The following LY75 variants were observed in gnomAD, a reference collection of about 807,000 sequenced individuals.
The protein encoded by LY75 is C-type lectin domain family 13 member B.
In LY75, 185 loss-of-function variants were observed where a neutral mutation model predicts 231.7. That is an observed-to-expected ratio of 0.80 (90% CI 0.71 to 0.90). The LOEUF is 0.90. Among genes scored for constraint, LY75 ranks in the 40% least tolerant of loss-of-function variants. The pLI, the probability that LY75 is intolerant of heterozygous loss-of-function variation, is 0.00. For missense variants in LY75, 1,947 were observed against 2,050.2 expected (o/e 0.95, Z 0.97); for synonymous variants, 668 against 689.0 (o/e 0.97, Z 0.48).
At chr2:159,841,038 C>G in intron 24 of LY75, 83 bp from the exon 25 acceptor site, 1 of 1,545,696 alleles carries the variant, frequency 6.5e-7, no homozygotes, top group Non-Finnish European at 8.7e-7. Flanking sequence ...ACATTTCTCC[C>G]CATACTAATC....
intron 24 of LY75, among the ~76,000 whole-genome samples, chr2:159,841,815 G>A (rs1684038789): frequency 6.6e-6 from 1 of 151,740 alleles, no homozygotes; most frequent in Non-Finnish European, 1.5e-5. Context: ...AAATGCCAGA[G>A]TAGAAAAAAG....
chr2:159,871,127 C>T (rs989746248), intron 13 of LY75, among the ~76,000 whole-genome samples: 17 of 151,968 alleles, frequency 1.1e-4, no homozygotes, highest in Admixed American at 1.1e-3. Context: ...TTGAGCTATT[C>T]TTCTATTCAA....
chr2:159,875,444 C>T lies in LY75; in HGVS notation c.1974G>A (p.Lys658=). Reference sequence around the variant, plus strand: ...GGATAGAATGAGAATGTCACTTTACCTTATAACAAGAAAGACTTGCGGGGA... The same window carrying T: ...GGATAGAATGAGAATGTCACTTTACTTTATAACAAGAAAGACTTGCGGGGA... ...QSFPASLSCY[K]VFHAERIVRK... Residue 658 remains lysine, a splice_region_variant and synonymous_variant, in exon 12 of 35, where the codon AAG becomes AAA. Coordinates refer to ENST00000263636, the MANE Select transcript of LY75 (RefSeq NM_002349.4). 6.2e-7 allele frequency: 1 copy of T among 1,612,380 alleles called. No homozygotes were observed.
intron 31 of LY75, among the ~76,000 whole-genome samples, chr2:159,814,997 C>CTTTTTT (rs3035627): frequency 9.0e-6 from 1 of 111,426 alleles, no homozygotes; most frequent in Non-Finnish European, 1.8e-5. Flanking sequence ...GTGAATACAT[C>CTTTTTT]TTTTTTTTTT....
chr2:159,866,267 G>A (rs994974994), intron 13 of LY75, among the ~76,000 whole-genome samples: 25 of 151,978 alleles, frequency 1.6e-4, no homozygotes, highest in Non-Finnish European at 2.9e-5. Flanking sequence ...CTGAAACAAA[G>A]AATTTTAAAC....
chr2:159,876,143 A>C (rs1685259718), intron 11 of LY75, among the ~76,000 whole-genome samples: 1 of 152,214 alleles, frequency 6.6e-6, no homozygotes, highest in Admixed American at 6.5e-5. Flanking sequence ...GGTAACATAC[A>C]TTTGTTTACC....
chr2:159,904,191 G>A (rs1686164745), intron 1 of LY75, among the ~76,000 whole-genome samples: 1 of 152,214 alleles, frequency 6.6e-6, no homozygotes, highest in Admixed American at 6.5e-5. Context: ...ACCAAGGGCC[G>A]AAGGAAAAGC....
At chr2:159,808,170 T>A (rs921255734) in intron 33 of LY75, 19 of 971,704 alleles carry the variant, frequency 2.0e-5, no homozygotes, top group Non-Finnish European at 2.2e-5. Context: ...GAAGAAAATG[T>A]CCTGATGTTG....
Position 159,831,739 on chromosome 2 carries a change from A to C in LY75, c.3889T>G (p.Phe1297Val). The C allele has an allele frequency of 1.2e-6, 2 of 1,612,700 alleles. No homozygotes were observed. Among genetic ancestry groups the C allele is most frequent in the Non-Finnish European group, 1.7e-6 (2 of 1,179,514 alleles). Residue 1297 changes from phenylalanine to valine, a missense_variant, in exon 28 of 35, where the codon TTT (phenylalanine) becomes GTT (valine). Transcript: ENST00000263636. ...LSIRDEKENN[F>V]VLEQLLYFNY... ...AAGTACAGCAGTTGCTCAAGAACAAAGTTATTCTCCTTTTCATCTCGAATA... is the reference window on the plus strand; with the variant it reads ...AAGTACAGCAGTTGCTCAAGAACAACGTTATTCTCCTTTTCATCTCGAATA...
At chr2:159,885,538 A>C (rs1260569985) in intron 5 of LY75, among the ~76,000 whole-genome samples, 1 of 152,178 alleles carries the variant, frequency 6.6e-6, no homozygotes, top group Non-Finnish European at 1.5e-5. Flanking sequence ...AAAAACAAAA[A>C]CCAAACTTTT....
chr2:159,810,976 G>T (rs1682942393), intron 31 of LY75, among the ~76,000 whole-genome samples: 1 of 152,218 alleles, frequency 6.6e-6, no homozygotes, highest in Non-Finnish European at 1.5e-5. Context: ...AGGCCAGGCA[G>T]ACCTGAAAGT....
At chr2:159,843,018 G>T (rs1254012355) in intron 23 of LY75, among the ~76,000 whole-genome samples, 8 of 151,626 alleles carry the variant, frequency 5.3e-5, no homozygotes, top group Admixed American at 5.3e-4. Context: ...TTATAGGAAA[G>T]AATAAAATGA....
intron 6 of LY75, among the ~76,000 whole-genome samples, chr2:159,882,615 A>G (rs1246570818): frequency 1.3e-5 from 2 of 152,216 alleles, no homozygotes. Context: ...CCTTAGTCCA[A>G]GTAGACAGTA....
chr2:159,849,354 T>TTAATATATACA (rs557400314), intron 23 of LY75, among the ~76,000 whole-genome samples: 70 of 152,304 alleles, frequency 4.6e-4, no homozygotes, highest in African/African-American at 1.5e-3. Context: ...GCATAACTAC[T>TTAATATATACA]GTCAGTATAA....
chr2:159,872,713 G>T, intron 12 of LY75, 120 bp from the exon 13 acceptor site: 1 of 1,156,940 alleles, frequency 8.6e-7, no homozygotes. Context: ...GTGTAGTGAA[G>T]GCATAGGTAA....
chr2:159,873,337 C>T (rs1685075250), intron 12 of LY75, among the ~76,000 whole-genome samples: 1 of 152,048 alleles, frequency 6.6e-6, no homozygotes, highest in East Asian at 1.9e-4. Context: ...GGGGCTTGGC[C>T]ATATGACTTA....
In LY75 at chr2:159,850,791, T is replaced by TATATATATATATATATAAATAA. The variant is rs1341394980; in HGVS notation, c.2884-325_2884-324insTTATTTATATATATATATATAT. Among the ~76,000 whole-genome samples the TATATATATATATATATAAATAA allele has an allele frequency of 2.3e-4, 22 of 94,508 alleles. 2 individuals carry two copies. The highest frequency in any genetic ancestry group is 6.8e-4 in the African/African-American group (17 of 25,114). 62.0% of individuals were successfully genotyped at this position (94,508 alleles called of 152,430 possible). ...AAACTTTCATATATATATATATATA[T>TATATATATATATATATAAATAA]ATATATATTATATCTTATATATAAG... On this transcript the variant is annotated intron_variant, in intron 21 of 34. Transcript: ENST00000263636.
chr2:159,853,785 A>G (rs1684472728), intron 18 of LY75, 88 bp from the exon 19 acceptor site: 5 of 1,546,720 alleles, frequency 3.2e-6, no homozygotes, highest in Non-Finnish European at 4.4e-6. Context: ...TATAATCACT[A>G]ACCACTAAAA....
chr2:159,864,487 A>C (rs564274450), intron 14 of LY75, among the ~76,000 whole-genome samples: 3 of 152,246 alleles, frequency 2.0e-5, no homozygotes, highest in African/African-American at 7.2e-5. Flanking sequence ...TATCATTTAT[A>C]GAAGAGACTG....
Sources: allele counts gnomAD v4.1 joint callset (sites outside exome capture counted in the v4.1 genomes callset), GRCh38; gene constraint gnomAD v4.1.1; transcripts MANE v1.5; gene names NCBI Gene and HGNC (gene_info 2026-07-23, HGNC 2026-07-21).